ITGA9: variants seen among roughly 807,000 people sequenced by gnomAD.
ITGA9 encodes integrin subunit alpha 9.
A neutral mutation model predicts 127.8 loss-of-function variants in ITGA9; 56 were observed. The ratio of observed to expected loss-of-function variants is 0.44; its 90% CI spans 0.35 to 0.55. The LOEUF is 0.55. Among genes scored for constraint, ITGA9 ranks in the 20% least tolerant of loss-of-function variants. ITGA9 has a pLI of 0.00. For missense variants in ITGA9, 1,196 were observed against 1,347.1 expected (o/e 0.89, Z 1.76); for synonymous variants, 508 against 514.5 (o/e 0.99, Z 0.17).
intron 15 of ITGA9, among the ~76,000 whole-genome samples, chr3:37,580,843 G>C (rs1699702653): frequency 6.6e-6 from 1 of 152,094 alleles, no homozygotes; most frequent in African/African-American, 2.4e-5. Flanking sequence ...GAAAGAACTT[G>C]GACTTTGGTG....
chr3:37,703,781 C>A (rs1412450936), intron 18 of ITGA9, among the ~76,000 whole-genome samples: 1 of 152,214 alleles, frequency 6.6e-6, no homozygotes, highest in Non-Finnish European at 1.5e-5. Flanking sequence ...CTGCTCAACA[C>A]TTTTTATTAA....
intron 15 of ITGA9, among the ~76,000 whole-genome samples, chr3:37,561,183 T>C (rs1164924399): frequency 6.6e-6 from 1 of 152,236 alleles, no homozygotes; most frequent in Non-Finnish European, 1.5e-5. Context: ...TAAAAATGTA[T>C]ATTATTTAGT....
intron 15 of ITGA9, among the ~76,000 whole-genome samples, chr3:37,558,205 C>T (rs971169161): frequency 6.6e-6 from 1 of 152,204 alleles, no homozygotes; most frequent in East Asian, 1.9e-4. Flanking sequence ...GTTTGATCTT[C>T]CCTGCCTGTC....
chr3:37,544,908 A>G (rs1699310532), intron 15 of ITGA9, among the ~76,000 whole-genome samples: 1 of 152,240 alleles, frequency 6.6e-6, no homozygotes. Flanking sequence ...GAGAATGTTT[A>G]TTTCTGGCAG....
chr3:37,789,027 A>G (rs999865654), intron 26 of ITGA9, among the ~76,000 whole-genome samples: 1 of 152,164 alleles, frequency 6.6e-6, no homozygotes, highest in African/African-American at 2.4e-5. Flanking sequence ...TAAATCCTCA[A>G]TACTTCTTAT....
chr3:37,619,535 A>C (rs1368526136), intron 15 of ITGA9, among the ~76,000 whole-genome samples: 1 of 152,198 alleles, frequency 6.6e-6, no homozygotes, highest in Non-Finnish European at 1.5e-5. Flanking sequence ...ACCCAGCAGC[A>C]AGGGGGATGG....
rs564349655 is a variant in ITGA9, at chr3:37,629,013, C to T, written c.1690-174C>T. 6.6e-6 allele frequency among the ~76,000 whole-genome samples: 1 copy of T among 152,236 alleles called. No homozygotes were observed. The highest frequency in any genetic ancestry group is 2.4e-5 in the African/African-American group (1 of 41,536). Reference sequence around the variant, plus strand: ...TGACCTTGGACAAGACACTAGCTGCCCTAGGCCTCAATTACCTCATTTAAA... The same window carrying T: ...TGACCTTGGACAAGACACTAGCTGCTCTAGGCCTCAATTACCTCATTTAAA... On this transcript the variant is annotated intron_variant, in intron 15 of 27. Coordinates refer to ENST00000264741, the MANE Select transcript of ITGA9 (RefSeq NM_002207.3). This position sits in a 1 kb window ranked among gnomAD's most constrained non-coding sequence, Gnocchi z 4.5.
intron 15 of ITGA9, among the ~76,000 whole-genome samples, chr3:37,545,117 A>T (rs1377952895): frequency 6.6e-6 from 1 of 152,132 alleles, no homozygotes; most frequent in Non-Finnish European, 1.5e-5. Flanking sequence ...CACCTCCTGG[A>T]GCAGGAACTG....
At chr3:37,797,644 A>G (rs1697189443) in intron 26 of ITGA9, among the ~76,000 whole-genome samples, 1 of 152,238 alleles carries the variant, frequency 6.6e-6, no homozygotes, top group Admixed American at 6.5e-5. Context: ...ATAATATCAA[A>G]AAAACACCTG....
At chr3:37,612,219 C>T (rs1174351737) in intron 15 of ITGA9, among the ~76,000 whole-genome samples, 1 of 152,140 alleles carries the variant, frequency 6.6e-6, no homozygotes, top group Non-Finnish European at 1.5e-5. Context: ...GCGTGGACGC[C>T]TTTGGCCGTT....
At chr3:37,476,414 G>A (rs1251027861) in intron 3 of ITGA9, among the ~76,000 whole-genome samples, 1 of 151,542 alleles carries the variant, frequency 6.6e-6, no homozygotes, top group East Asian at 1.9e-4. Flanking sequence ...ATTTTATTGT[G>A]ATTTTGGTTT....
intron 15 of ITGA9, among the ~76,000 whole-genome samples, chr3:37,615,362 G>T (rs1253223252): frequency 6.6e-6 from 1 of 152,178 alleles, no homozygotes; most frequent in Non-Finnish European, 1.5e-5. Flanking sequence ...GCTGGATTCG[G>T]TTTGCCAGTA....
chr3:37,684,945 GA>G (rs1365880592), intron 18 of ITGA9, among the ~76,000 whole-genome samples: 1 of 152,170 alleles, frequency 6.6e-6, no homozygotes, highest in Non-Finnish European at 1.5e-5. Flanking sequence ...CAGAGGAAGT[GA>G]ACAGGCTTCC....
intron 6 of ITGA9, among the ~76,000 whole-genome samples, chr3:37,505,669 A>G (rs1025796264): frequency 6.6e-6 from 1 of 152,210 alleles, no homozygotes; most frequent in Admixed American, 6.5e-5. Flanking sequence ...GTGTGCATTC[A>G]TTGAGTTTTA....
intron 8 of ITGA9, among the ~76,000 whole-genome samples, chr3:37,509,929 G>A (rs1698884351): frequency 6.6e-6 from 1 of 151,926 alleles, no homozygotes; most frequent in Non-Finnish European, 1.5e-5. Context: ...ATCTTCTGCA[G>A]AAGATAACAA....
chr3:37,785,733 C>T (rs973809519), intron 26 of ITGA9, among the ~76,000 whole-genome samples: 1 of 152,154 alleles, frequency 6.6e-6, no homozygotes, highest in Non-Finnish European at 1.5e-5. Flanking sequence ...CCTGCCTCAG[C>T]CTCCCAAAAC....
intron 18 of ITGA9, among the ~76,000 whole-genome samples, chr3:37,725,931 C>T (rs959425485): frequency 6.6e-6 from 1 of 152,234 alleles, no homozygotes; most frequent in African/African-American, 2.4e-5. Flanking sequence ...AATTTCTATG[C>T]TGCAGGCTCA....
intron 8 of ITGA9, among the ~76,000 whole-genome samples, chr3:37,512,069 T>C (rs370060108): frequency 0.011 from 649 of 60,536 alleles, 32 homozygotes; most frequent in East Asian, 0.039. Flanking sequence ...TCTTTCTTTC[T>C]TTCTTTCCTT....
intron 15 of ITGA9, among the ~76,000 whole-genome samples, chr3:37,559,490 G>A (rs1203972120): frequency 6.6e-6 from 1 of 152,196 alleles, no homozygotes; most frequent in Non-Finnish European, 1.5e-5. Context: ...TGCATCAGAA[G>A]AGTCCTCTGT....
Sources: gnomAD v4.1 joint callset for allele counts (sites outside exome capture counted in the v4.1 genomes callset) on GRCh38, gnomAD v4.1.1 for gene constraint, Gnocchi (gnomAD v3.1) non-coding constraint, MANE v1.5 for transcripts, NCBI Gene and HGNC (gene_info 2026-07-23, HGNC 2026-07-21) for gene names.